The following SBF2 variants were observed in gnomAD, a reference collection of about 807,000 sequenced individuals.
SBF2 encodes the protein SET binding factor 2.
In SBF2, 112 loss-of-function variants were observed where a neutral mutation model predicts 225.2. The ratio of observed to expected loss-of-function variants is 0.50; its 90% CI spans 0.43 to 0.58. The LOEUF (loss-of-function observed/expected upper bound fraction) is 0.58. Ranked by LOEUF, SBF2 falls within the 20% of genes least tolerant of loss-of-function variation. SBF2 has a pLI of 0.00. For synonymous variants in SBF2, 763 were observed against 773.3 expected (o/e 0.99, Z 0.22); for missense variants, 1,996 against 2,206.2 (o/e 0.90, Z 1.91).
At chr11:10,207,800 A>G (rs1957796942) in intron 1 of SBF2, among the ~76,000 whole-genome samples, 1 of 152,116 alleles carries the variant, frequency 6.6e-6, no homozygotes, top group African/African-American at 2.4e-5. Flanking sequence ...TCTCACTGTA[A>G]CAAATGGAAA....
chr11:9,843,349 CCT>C (rs1856301628), intron 24 of SBF2, among the ~76,000 whole-genome samples: 1 of 152,274 alleles, frequency 6.6e-6, no homozygotes, highest in South Asian at 2.1e-4. Flanking sequence ...ATATAATTCC[CCT>C]TTTTTGAAGG....
chr11:9,784,328 T>G lies in SBF2; in HGVS notation c.5319+23A>C, dbSNP rs557085825. 19 of 1,568,182 alleles carry G rather than the reference T, an allele frequency of 1.2e-5. No homozygotes were observed. In the East Asian group the frequency reaches 3.8e-4, roughly 31 times the overall value. On this transcript the variant is annotated intron_variant, in intron 38 of 39. Coordinates refer to ENST00000256190, the MANE Select transcript of SBF2 (RefSeq NM_030962.4). The stretch of plus-strand genomic sequence containing the variant: ...GGGACTAGCCTAGACAGAAGTAATT[T>G]CTTTTGGCTTTAAGAGTATTACCTG...
At chr11:9,793,452 C>T (rs1247608511) in intron 33 of SBF2, among the ~76,000 whole-genome samples, 2 of 151,916 alleles carry the variant, frequency 1.3e-5, no homozygotes, top group African/African-American at 2.4e-5. Context: ...TGCACTGGTG[C>T]GATCTCAGCT....
At chr11:9,834,276 G>C (rs1426975342) in intron 26 of SBF2, among the ~76,000 whole-genome samples, 2 of 151,260 alleles carry the variant, frequency 1.3e-5, no homozygotes, top group Non-Finnish European at 2.9e-5. Context: ...ATTTTTAGTA[G>C]AGATGGGGTT....
intron 16 of SBF2, among the ~76,000 whole-genome samples, chr11:9,911,900 T>C (rs1274784063): frequency 1.3e-5 from 2 of 152,252 alleles, no homozygotes; most frequent in African/African-American, 2.4e-5. Context: ...CCATATAACC[T>C]AGGCGTGGAA....
In SBF2 at chr11:9,895,974, G is replaced by A; in HGVS notation, c.1898C>T (p.Ala633Val). 3 of 1,613,330 alleles carry A rather than the reference G, an allele frequency of 1.9e-6. No homozygotes were observed. The highest frequency in any genetic ancestry group is 2.5e-6 in the Non-Finnish European group (3 of 1,179,430). Reference sequence around the variant, plus strand: ...GAAAGCACTGGTCAAAGGGAGTAATGCTGCGGCAATGTTGTATTCTTCTAA... The same window carrying A: ...GAAAGCACTGGTCAAAGGGAGTAATACTGCGGCAATGTTGTATTCTTCTAA... ...SSLEEYNIAA[A>V]LLPLTSAFYR... The change falls in exon 17 of 40, where the codon GCA becomes GTA. Residue 633 changes from alanine (A) to valine (V), a missense_variant. By Grantham distance (64) the Ala-to-Val change is moderately conservative. Coordinates refer to ENST00000256190, the MANE Select transcript of SBF2 (RefSeq NM_030962.4).
intron 2 of SBF2, among the ~76,000 whole-genome samples, chr11:10,045,992 T>C (rs530743865): frequency 7.2e-5 from 11 of 152,178 alleles, no homozygotes; most frequent in Middle Eastern, 6.8e-3. Context: ...ACAATACAAC[T>C]ATAAAAATAG....
chr11:10,134,556 T>C (rs1954254598), intron 2 of SBF2, among the ~76,000 whole-genome samples: 1 of 152,052 alleles, frequency 6.6e-6, no homozygotes, highest in Non-Finnish European at 1.5e-5. Context: ...CTAGATACAA[T>C]GGGGGTACAG....
intron 1 of SBF2, among the ~76,000 whole-genome samples, chr11:10,284,271 T>G (rs1402299189): frequency 6.6e-6 from 1 of 152,184 alleles, no homozygotes; most frequent in Admixed American, 6.5e-5. Context: ...CTATACTCAT[T>G]TGTGGTTGTA....
intron 2 of SBF2, among the ~76,000 whole-genome samples, chr11:10,063,411 G>T (rs957709907): frequency 4.0e-5 from 6 of 150,718 alleles, no homozygotes; most frequent in Admixed American, 4.0e-4. Flanking sequence ...AGGCTGGAGT[G>T]CAGTGGCGTG....
intron 2 of SBF2, among the ~76,000 whole-genome samples, chr11:10,185,513 G>A (rs1470900119): frequency 6.6e-6 from 1 of 151,960 alleles, no homozygotes; most frequent in Non-Finnish European, 1.5e-5. Context: ...AGTTGCAGTG[G>A]TGCAAATCAT....
chr11:10,194,601 C>T (rs561968883), intron 1 of SBF2, among the ~76,000 whole-genome samples: 1 of 152,282 alleles, frequency 6.6e-6, no homozygotes, highest in East Asian at 1.9e-4. Context: ...ACCTCCGCTT[C>T]CCGAGTTCAA....
Position 10,000,914 on chromosome 11 carries a change from A to C in SBF2, c.861T>G (p.Leu287=). The change falls in exon 8 of 40, where the codon CTT becomes CTG. Residue 287 remains leucine, a splice_region_variant and synonymous_variant. Transcript: ENST00000256190. ...HSVFKTDVHE[L]LDVIIADLDG... ...GGAAACTTTAAAGATGAATACTTACAAGTTCATGGACATCAGTTTTAAAGA... is the reference window on the plus strand; with the variant it reads ...GGAAACTTTAAAGATGAATACTTACCAGTTCATGGACATCAGTTTTAAAGA... 1 of 1,511,012 alleles carries C rather than the reference A, an allele frequency of 6.6e-7. No homozygotes were observed. Among genetic ancestry groups the C allele is most frequent in the Non-Finnish European group, 9.2e-7 (1 of 1,086,150 alleles). The allele number at this position is 1,511,012 out of a possible 1,614,324, so 93.6% of individuals were successfully genotyped here. A position where few individuals can be genotyped will look rare whatever the true frequency, so the allele number is the denominator to read the frequency against.
At chr11:10,012,115 T>C (rs958755086) in intron 6 of SBF2, among the ~76,000 whole-genome samples, 1 of 152,218 alleles carries the variant, frequency 6.6e-6, no homozygotes, top group African/African-American at 2.4e-5. Context: ...ACATCTCAAA[T>C]GTGCTGTTAA....
chr11:10,041,990 C>T (rs1565164984), intron 3 of SBF2, among the ~76,000 whole-genome samples: 1 of 152,006 alleles, frequency 6.6e-6, no homozygotes, highest in East Asian at 1.9e-4. Context: ...TCTTAACTTC[C>T]ACCAAAGAAA....
At chr11:10,228,462 C>A (rs1023095334) in intron 1 of SBF2, among the ~76,000 whole-genome samples, 4 of 152,180 alleles carry the variant, frequency 2.6e-5, no homozygotes, top group African/African-American at 9.7e-5. Flanking sequence ...GTAGGTTTGT[C>A]ATAGATAGCT....
chr11:9,967,628 C>T (rs570425976), intron 14 of SBF2, among the ~76,000 whole-genome samples: 49 of 151,968 alleles, frequency 3.2e-4, no homozygotes, highest in Non-Finnish European at 6.3e-4. Context: ...GTTATAAAAA[C>T]ATTCTTGCCG....
At chr11:10,123,660 G>C (rs563590553) in intron 2 of SBF2, among the ~76,000 whole-genome samples, 27 of 150,876 alleles carry the variant, frequency 1.8e-4, no homozygotes, top group African/African-American at 6.6e-4. Context: ...CTCTCCCCTA[G>C]TCTTGACTAT....
chr11:10,270,599 A>G (rs58354844), intron 1 of SBF2, among the ~76,000 whole-genome samples: 3,206 of 152,300 alleles, frequency 0.021, 85 homozygotes, highest in African/African-American at 0.063. Flanking sequence ...GTTGTTGAAG[A>G]GTCAACTGTA....
Sources: allele counts gnomAD v4.1 joint callset (sites outside exome capture counted in the v4.1 genomes callset), GRCh38; gene constraint gnomAD v4.1.1; transcripts MANE v1.5; gene names NCBI Gene and HGNC (gene_info 2026-07-23, HGNC 2026-07-21).